HS6ST2: variants seen among roughly 807,000 people sequenced by gnomAD.
HS6ST2 encodes heparan sulfate 6-O-sulfotransferase 2.
In HS6ST2, 17 loss-of-function variants were observed where a neutral mutation model predicts 33.0. The observed-to-expected ratio is 0.52, with a 90% CI of 0.35 to 0.77. The LOEUF is 0.77. HS6ST2 is among the 30% of genes least tolerant of loss of function. HS6ST2 has a pLI of 0.01. For synonymous variants in HS6ST2, 248 were observed against 237.1 expected (o/e 1.05, Z -0.42); for missense variants, 519 against 551.7 (o/e 0.94, Z 0.59).
At chrX:132,678,768 A>G (rs1408579338) in intron 3 of HS6ST2, among the ~76,000 whole-genome samples, 3 of 112,577 alleles carry the variant, frequency 2.7e-5, no homozygotes, top group Non-Finnish European at 3.7e-5. Context: ...AGTGTGCATG[A>G]AAACAGAAGA....
intron 2 of HS6ST2, among the ~76,000 whole-genome samples, chrX:132,797,294 T>C (rs1361654469): frequency 9.0e-6 from 1 of 111,546 alleles, no homozygotes; most frequent in South Asian, 3.8e-4. Flanking sequence ...AGCTAAGTCA[T>C]AGGGTTGGAA....
intron 2 of HS6ST2, among the ~76,000 whole-genome samples, chrX:132,843,666 C>T (rs1047913645): frequency 4.5e-5 from 5 of 111,180 alleles, no homozygotes. Flanking sequence ...TTACCTAGAA[C>T]GAGGGGATTG....
chrX:132,935,715 T>C (rs771085778), intron 2 of HS6ST2, among the ~76,000 whole-genome samples: 1 of 110,400 alleles, frequency 9.1e-6, no homozygotes, highest in South Asian at 3.9e-4. Flanking sequence ...AACATCACAC[T>C]GCAAAATAAC....
At chrX:132,866,172 G>T (rs1215720953) in intron 2 of HS6ST2, among the ~76,000 whole-genome samples, 1 of 111,220 alleles carries the variant, frequency 9.0e-6, no homozygotes, top group East Asian at 2.8e-4. Flanking sequence ...TGTAAGGAAG[G>T]GATCCAGTTT....
chrX:132,664,237 C>T lies in HS6ST2; in HGVS notation c.1067+4876G>A, dbSNP rs765199564. Among the ~76,000 whole-genome samples, 191 of 111,852 alleles carry T rather than the reference C, an allele frequency of 1.7e-3. 1 individual carries two copies. The highest frequency in any genetic ancestry group is 2.9e-3 in the Non-Finnish European group (154 of 53,109). On this transcript the variant is annotated intron_variant, in intron 4 of 4. Transcript: ENST00000370833. ...TGTTAGACAGGGTGGTCTTGATCTC[C>T]TGACCTCATGGTCCGCCCACCTCGG...
intron 2 of HS6ST2, among the ~76,000 whole-genome samples, chrX:132,743,794 G>T (rs1252912387): frequency 9.0e-6 from 1 of 111,647 alleles, no homozygotes; most frequent in East Asian, 2.8e-4. Flanking sequence ...TTGAGACAAG[G>T]TCTCACTCTG....
At chrX:132,645,606 GAAC>G (rs2063634460) in intron 4 of HS6ST2, among the ~76,000 whole-genome samples, 1 of 112,068 alleles carries the variant, frequency 8.9e-6, no homozygotes, top group Non-Finnish European at 1.9e-5. Flanking sequence ...CACGCAGGGA[GAAC>G]ATGTCGACCT....
intron 3 of HS6ST2, among the ~76,000 whole-genome samples, chrX:132,679,797 T>A (rs998358020): frequency 1.8e-5 from 2 of 109,000 alleles, no homozygotes; most frequent in African/African-American, 6.7e-5. Context: ...GCGTATTCTC[T>A]TTCCCAGGGA....
At chrX:132,769,902 A>G (rs1024831432) in intron 2 of HS6ST2, among the ~76,000 whole-genome samples, 3 of 112,253 alleles carry the variant, frequency 2.7e-5, no homozygotes, top group Non-Finnish European at 5.6e-5. Flanking sequence ...ACAAGGGGCA[A>G]GCTACCCTTT....
intron 2 of HS6ST2, among the ~76,000 whole-genome samples, chrX:132,837,951 T>C (rs1245636843): frequency 8.9e-6 from 1 of 112,316 alleles, no homozygotes; most frequent in East Asian, 2.8e-4. Context: ...CATATTTTTT[T>C]CTCCTCACAA....
At chrX:132,715,319 C>T (rs992575222) in intron 2 of HS6ST2, among the ~76,000 whole-genome samples, 19 of 111,728 alleles carry the variant, frequency 1.7e-4, no homozygotes, top group African/African-American at 6.2e-4. Context: ...CCTGTGGTCC[C>T]AGCTACTCTG....
intron 2 of HS6ST2, among the ~76,000 whole-genome samples, chrX:132,913,845 C>A (rs1263757282): frequency 1.8e-5 from 2 of 112,021 alleles, no homozygotes; most frequent in Non-Finnish European, 3.8e-5. Flanking sequence ...GAGGTTATAG[C>A]AAGTAAAATG....
chrX:132,784,704 T>C (rs1372641506), intron 2 of HS6ST2, among the ~76,000 whole-genome samples: 1 of 111,798 alleles, frequency 8.9e-6, no homozygotes, highest in Non-Finnish European at 1.9e-5. Flanking sequence ...ACAATGGTTG[T>C]GAGCTAAACA....
intron 2 of HS6ST2, among the ~76,000 whole-genome samples, chrX:132,843,653 A>T (rs1387636278): frequency 9.0e-6 from 1 of 111,588 alleles, no homozygotes; most frequent in African/African-American, 3.3e-5. Flanking sequence ...TACTAGAAAT[A>T]TATTACCTAG....
At chrX:132,921,520 C>T (rs186872077) in intron 2 of HS6ST2, among the ~76,000 whole-genome samples, 1 of 111,982 alleles carries the variant, frequency 8.9e-6, no homozygotes, top group Non-Finnish European at 1.9e-5. Flanking sequence ...TTGATTACTG[C>T]GGACAAAGAC....
At chrX:132,671,901 G>A (rs1299010049) in intron 3 of HS6ST2, among the ~76,000 whole-genome samples, 2 of 111,691 alleles carry the variant, frequency 1.8e-5, no homozygotes, top group Admixed American at 9.5e-5. Context: ...CTTGTGGCTG[G>A]CTTGGATCCT....
At chrX:132,951,573 G>T (rs1175711158) in intron 2 of HS6ST2, among the ~76,000 whole-genome samples, 1 of 111,805 alleles carries the variant, frequency 8.9e-6, no homozygotes, top group Non-Finnish European at 1.9e-5. Flanking sequence ...GAGACCAAGG[G>T]AAGGAAAAGG....
chrX:132,664,141 G>T (rs1411047283), intron 4 of HS6ST2, among the ~76,000 whole-genome samples: 2 of 111,714 alleles, frequency 1.8e-5, no homozygotes, highest in Non-Finnish European at 3.8e-5. Flanking sequence ...CTCCCGAGTA[G>T]CTGGGACTAC....
chrX:132,945,686 T>G (rs905591305), intron 2 of HS6ST2, among the ~76,000 whole-genome samples: 6 of 109,757 alleles, frequency 5.5e-5, no homozygotes, highest in Admixed American at 9.7e-5. Flanking sequence ...TAAAAAATGA[T>G]GAGTTCATGT....
Sources: allele counts gnomAD v4.1 joint callset (sites outside exome capture counted in the v4.1 genomes callset), GRCh38; gene constraint gnomAD v4.1.1; transcripts MANE v1.5; gene names NCBI Gene and HGNC (gene_info 2026-07-23, HGNC 2026-07-21).